The following PALM2AKAP2 variants were observed in gnomAD, a reference collection of about 807,000 sequenced individuals.
The protein encoded by PALM2AKAP2 is PALM2 and AKAP2 fusion.
In PALM2AKAP2, 37 loss-of-function variants were observed where a neutral mutation model predicts 71.5. The observed-to-expected ratio is 0.52, with a 90% CI of 0.40 to 0.68. The LOEUF is 0.68. Among genes scored for constraint, PALM2AKAP2 ranks in the 30% least tolerant of loss-of-function variants. The pLI, the probability that PALM2AKAP2 is intolerant of heterozygous loss-of-function variation, is 0.00. For synonymous variants in PALM2AKAP2, 468 were observed against 478.8 expected, an observed-to-expected ratio of 0.98 and a Z score of 0.29; for missense variants, 1,224 against 1,191.8, an observed-to-expected ratio of 1.03 and a Z score of -0.40.
intron 1 of PALM2AKAP2, among the ~76,000 whole-genome samples, chr9:109,691,936 A>C (rs1044404379): frequency 3.0e-5 from 4 of 134,258 alleles, no homozygotes; most frequent in Admixed American, 7.4e-5. Flanking sequence ...ACATATATAT[A>C]TATACACATA....
chr9:109,961,625 C>G (rs1039854360), intron 6 of PALM2AKAP2, among the ~76,000 whole-genome samples: 4 of 152,186 alleles, frequency 2.6e-5, no homozygotes, highest in African/African-American at 9.7e-5. Context: ...CGTGTGACCT[C>G]TGGCATGGAG....
intron 7 of PALM2AKAP2, among the ~76,000 whole-genome samples, chr9:110,021,483 C>T (rs1175143822): frequency 6.6e-6 from 1 of 152,176 alleles, no homozygotes; most frequent in African/African-American, 2.4e-5. Flanking sequence ...CAGATTCTGC[C>T]AAGAATCACA....
At position 110,136,331 on chromosome 9, in the gene PALM2AKAP2, C is replaced by G. The variant is rs760249528; in HGVS notation, c.361C>G (p.Pro121Ala). Residue 121 changes from proline to alanine, a missense_variant, in exon 2 of 4, where the codon CCC (proline) becomes GCC (alanine). Physicochemically the swap from Pro to Ala is conservative, Grantham distance 27. Transcript: ENST00000374525. ...GGACCATCCCTCCGCTTTCTATTCA[C>G]CCCCGCATAATGGCCTCCTTACTGA... 14 of 1,614,152 alleles carry G rather than the reference C, an allele frequency of 8.7e-6. 1 individual carries two copies. The South Asian group carries it at 1.3e-4, about 15-fold the overall frequency.
At chr9:109,858,691 T>A (rs1829233422) in intron 1 of PALM2AKAP2, among the ~76,000 whole-genome samples, 1 of 152,030 alleles carries the variant, frequency 6.6e-6, no homozygotes, top group South Asian at 2.1e-4. Flanking sequence ...TTTTTCAGAG[T>A]CCTCTACCAT....
At chr9:109,642,740 CG>C (rs1244444408) in intron 1 of PALM2AKAP2, among the ~76,000 whole-genome samples, 3 of 151,372 alleles carry the variant, frequency 2.0e-5, no homozygotes, top group African/African-American at 7.3e-5. Context: ...TTCATACAGA[CG>C]GGATTGTCCT....
intron 3 of PALM2AKAP2, among the ~76,000 whole-genome samples, chr9:109,893,833 G>A (rs934526980): frequency 3.3e-5 from 5 of 152,162 alleles, no homozygotes; most frequent in African/African-American, 7.2e-5. Context: ...GGGGCCAGTC[G>A]AGGGGGCTGC....
At chr9:109,862,384 C>A (rs1397819674) in intron 1 of PALM2AKAP2, among the ~76,000 whole-genome samples, 3 of 151,850 alleles carry the variant, frequency 2.0e-5, no homozygotes, top group African/African-American at 7.3e-5. Flanking sequence ...TTCAACTCTG[C>A]CTCCCTCTGC....
At chr9:109,694,014 G>A (rs1191395730) in intron 1 of PALM2AKAP2, among the ~76,000 whole-genome samples, 1 of 151,840 alleles carries the variant, frequency 6.6e-6, no homozygotes, top group African/African-American at 2.4e-5. Context: ...TACTTGGCTT[G>A]TTTTCTGCTC....
rs56187296 is a variant in PALM2AKAP2 at position 110,054,399 on chromosome 9, CA to C, written c.156+5556del. Among the ~76,000 whole-genome samples, 391 of 138,936 alleles carry C rather than the reference CA, an allele frequency of 2.8e-3. 1 individual carries two copies. The highest frequency in any genetic ancestry group is 6.4e-3 in the African/African-American group (247 of 38,616). The allele number at this position is 138,936 out of a possible 152,430, so 91.1% of individuals were successfully genotyped here. A position where few individuals can be genotyped will look rare whatever the true frequency, so the allele number is the denominator to read the frequency against. On this transcript the variant is annotated intron_variant, in intron 1 of 3. Transcript: ENST00000374525. ...GGGCAACAAGAGTGAAACTCTGTTT[CA>C]AAAAAAAAAAATACCAAAACCTACC... is the stretch of plus-strand genomic sequence containing the variant.
At chr9:110,061,837 C>T (rs1210735095) in intron 1 of PALM2AKAP2, among the ~76,000 whole-genome samples, 1 of 148,658 alleles carries the variant, frequency 6.7e-6, no homozygotes, top group Non-Finnish European at 1.5e-5. Context: ...ACATGCCAGA[C>T]AAATATTATT....
At chr9:109,968,733 C>T (rs1240017310) in intron 6 of PALM2AKAP2, among the ~76,000 whole-genome samples, 1 of 152,158 alleles carries the variant, frequency 6.6e-6, no homozygotes, top group African/African-American at 2.4e-5. Context: ...AGGAGTCCAG[C>T]CGCGATTTTC....
intron 2 of PALM2AKAP2, among the ~76,000 whole-genome samples, chr9:109,872,771 T>C (rs16914572): frequency 0.022 from 3,407 of 152,322 alleles, 142 homozygotes; most frequent in African/African-American, 0.078. Context: ...ACAGTGTCTT[T>C]CCCGGTTTTG....
intron 1 of PALM2AKAP2, among the ~76,000 whole-genome samples, chr9:109,807,466 G>A (rs1026334556): frequency 1.3e-5 from 2 of 151,962 alleles, no homozygotes; most frequent in East Asian, 3.9e-4. Flanking sequence ...AGTAGGTTTG[G>A]TGTCTGGCAA....
At chr9:109,975,149 ATAT>A (rs1014667095) in intron 6 of PALM2AKAP2, among the ~76,000 whole-genome samples, 6 of 152,204 alleles carry the variant, frequency 3.9e-5, no homozygotes, top group Non-Finnish European at 1.5e-5. Context: ...ATATGGAAAA[ATAT>A]TATGAGGGAT....
intron 1 of PALM2AKAP2, among the ~76,000 whole-genome samples, chr9:109,674,272 G>A (rs554337325): frequency 6.6e-6 from 1 of 151,496 alleles, no homozygotes; most frequent in Admixed American, 6.6e-5. Flanking sequence ...ACTTAATATA[G>A]GTATTCTAAA....
intron 6 of PALM2AKAP2, among the ~76,000 whole-genome samples, chr9:109,950,985 T>C (rs114969973): frequency 4.6e-4 from 70 of 152,348 alleles, no homozygotes; most frequent in African/African-American, 1.7e-3. Flanking sequence ...AACTATTCTG[T>C]ATGTAGCTCC....
At chr9:109,941,329 G>C (rs1392223413) in intron 6 of PALM2AKAP2, among the ~76,000 whole-genome samples, 1 of 152,132 alleles carries the variant, frequency 6.6e-6, no homozygotes, top group Admixed American at 6.5e-5. Flanking sequence ...AGGCTGTTGT[G>C]CAGAGAGCAG....
intron 1 of PALM2AKAP2, among the ~76,000 whole-genome samples, chr9:109,691,190 C>T (rs914365637): frequency 1.3e-5 from 2 of 151,850 alleles, no homozygotes; most frequent in Admixed American, 6.6e-5. Context: ...CACACACACA[C>T]ACACACACAC....
intron 1 of PALM2AKAP2, among the ~76,000 whole-genome samples, chr9:110,058,595 C>T (rs915273526): frequency 3.3e-5 from 5 of 152,212 alleles, no homozygotes; most frequent in East Asian, 1.9e-4. Flanking sequence ...GGAACCAAAG[C>T]GCTGTTTCTA....
Sources: gnomAD v4.1 joint callset for allele counts (sites outside exome capture counted in the v4.1 genomes callset) on GRCh38, gnomAD v4.1.1 for gene constraint, MANE v1.5 for transcripts, NCBI Gene and HGNC (gene_info 2026-07-23, HGNC 2026-07-21) for gene names.